CCSER1: variants seen among roughly 807,000 people sequenced by gnomAD.
The protein encoded by CCSER1 is serine-rich coiled-coil domain-containing protein 1.
CCSER1 carries 41 observed loss-of-function variants against 82.0 expected under a neutral mutation model. That is an observed-to-expected ratio of 0.50 (90% confidence interval 0.39 to 0.65). The LOEUF is 0.65. CCSER1 is among the 30% of genes least tolerant of loss of function. The pLI is 0.00. For missense variants in CCSER1, 1,119 were observed against 1,064.2 expected (o/e 1.05, Z -0.72); for synonymous variants, 414 against 383.9 (o/e 1.08, Z -0.92).
intron 1 of CCSER1, among the ~76,000 whole-genome samples, chr4:90,298,918 A>G (rs558701896): frequency 1.3e-5 from 2 of 152,188 alleles, no homozygotes; most frequent in Admixed American, 6.6e-5. Context: ...CCTGGGTCAT[A>G]TGCTTTTACA....
intron 9 of CCSER1, among the ~76,000 whole-genome samples, chr4:90,933,689 GT>G (rs33937740): frequency 0.12 from 18,647 of 149,756 alleles, 1,599 homozygotes; most frequent in African/African-American, 0.23. Flanking sequence ...ACTTTTGGAA[GT>G]TTTTTTTTTT....
At chr4:90,498,918 A>G (rs1769412332) in intron 5 of CCSER1, among the ~76,000 whole-genome samples, 1 of 152,144 alleles carries the variant, frequency 6.6e-6, no homozygotes, top group East Asian at 1.9e-4. Context: ...ATTAGGCATC[A>G]TTTTCTCATA....
chr4:90,619,967 C>T (rs1722013535), intron 5 of CCSER1, among the ~76,000 whole-genome samples: 1 of 152,064 alleles, frequency 6.6e-6, no homozygotes. Flanking sequence ...ACTGAACATA[C>T]ACAGTCACGT....
chr4:90,709,246 TTA>T (rs1244481634), intron 6 of CCSER1, among the ~76,000 whole-genome samples: 1 of 152,078 alleles, frequency 6.6e-6, no homozygotes, highest in Non-Finnish European at 1.5e-5. Flanking sequence ...GCATTAATGA[TTA>T]TATTATGTTT....
intron 9 of CCSER1, among the ~76,000 whole-genome samples, chr4:91,041,096 T>G (rs1741919473): frequency 6.6e-6 from 1 of 152,158 alleles, no homozygotes; most frequent in African/African-American, 2.4e-5. Context: ...ATTCTTAATT[T>G]TAAAAGACTA....
intron 6 of CCSER1, among the ~76,000 whole-genome samples, chr4:90,685,930 G>A (rs1401387900): frequency 1.3e-5 from 2 of 152,106 alleles, no homozygotes; most frequent in Non-Finnish European, 2.9e-5. Flanking sequence ...TCAGGGAATG[G>A]GGATGTGGAA....
intron 10 of CCSER1, among the ~76,000 whole-genome samples, chr4:91,173,424 C>G (rs1435984662): frequency 6.6e-6 from 1 of 152,018 alleles, no homozygotes; most frequent in East Asian, 1.9e-4. Context: ...GAAACCCCGT[C>G]TCTACTGAAA....
chr4:90,396,412 T>C (rs1751962918), intron 3 of CCSER1, among the ~76,000 whole-genome samples: 1 of 152,138 alleles, frequency 6.6e-6, no homozygotes, highest in Non-Finnish European at 1.5e-5. Context: ...GATCCTTGGC[T>C]ATACAGACAG....
intron 8 of CCSER1, among the ~76,000 whole-genome samples, chr4:90,860,635 T>C (rs1389577146): frequency 1.3e-5 from 2 of 151,856 alleles, no homozygotes; most frequent in East Asian, 3.9e-4. Flanking sequence ...CAAATGTTCA[T>C]CAATTGATTA....
At chr4:90,682,385 T>TA (rs1262095151) in intron 6 of CCSER1, among the ~76,000 whole-genome samples, 1 of 151,988 alleles carries the variant, frequency 6.6e-6, no homozygotes, top group African/African-American at 2.4e-5. Flanking sequence ...TTTTACCAGA[T>TA]ATAGTATATC....
At chr4:91,075,705 G>A (rs1721922546) in intron 9 of CCSER1, among the ~76,000 whole-genome samples, 1 of 152,080 alleles carries the variant, frequency 6.6e-6, no homozygotes, top group Non-Finnish European at 1.5e-5. Context: ...AAATGCAAAG[G>A]ATTTTTTTGT....
intron 10 of CCSER1, among the ~76,000 whole-genome samples, chr4:91,153,586 C>G (rs1730482434): frequency 6.6e-6 from 1 of 151,838 alleles, no homozygotes; most frequent in South Asian, 2.1e-4. Context: ...TGAAGGCACT[C>G]TGATTTTTAG....
intron 10 of CCSER1, among the ~76,000 whole-genome samples, chr4:91,514,729 G>A (rs1333048898): frequency 6.6e-6 from 1 of 152,130 alleles, no homozygotes; most frequent in East Asian, 1.9e-4. Context: ...AGCACCAATG[G>A]TTTAGTTCCA....
chr4:90,962,439 T>C lies in CCSER1; in HGVS notation c.2172+38992T>C, dbSNP rs115773112. On this transcript the variant is annotated intron_variant, in intron 9 of 10. Transcript: ENST00000509176. The stretch of plus-strand genomic sequence containing the variant: ...ATGAAAGAATATTATTTTGACTACA[T>C]TAGCTTAATTTTAAAAAAGGAATAT... Among the ~76,000 whole-genome samples, 218 of 152,238 alleles carry C rather than the reference T, an allele frequency of 1.4e-3. 1 individual carries two copies. The highest frequency in any genetic ancestry group is 5.0e-3 in the African/African-American group (209 of 41,548).
At chr4:90,950,042 G>C (rs1245224452) in intron 9 of CCSER1, among the ~76,000 whole-genome samples, 1 of 152,120 alleles carries the variant, frequency 6.6e-6, no homozygotes, top group Non-Finnish European at 1.5e-5. Flanking sequence ...GTGATTATCT[G>C]TATCTGAAAA....
intron 10 of CCSER1, among the ~76,000 whole-genome samples, chr4:91,199,310 G>T (rs1421817195): frequency 1.3e-5 from 2 of 151,926 alleles, no homozygotes; most frequent in African/African-American, 4.8e-5. Context: ...CAGTTAAAAA[G>T]AAATGTCCGT....
intron 7 of CCSER1, chr4:90,781,964 T>C (rs1320637613): frequency 2.2e-6 from 2 of 896,238 alleles, no homozygotes; most frequent in African/African-American, 3.6e-5. Context: ...AAATGCCCGA[T>C]ATAGGAACAA....
chr4:90,671,656 G>A (rs1732823215), intron 6 of CCSER1, among the ~76,000 whole-genome samples: 1 of 151,946 alleles, frequency 6.6e-6, no homozygotes, highest in Non-Finnish European at 1.5e-5. Context: ...TGTTAATGTT[G>A]ATATTTTGAC....
chr4:90,816,155 T>C (rs1281882346), intron 8 of CCSER1, among the ~76,000 whole-genome samples: 2 of 152,196 alleles, frequency 1.3e-5, no homozygotes, highest in Non-Finnish European at 2.9e-5. Context: ...TTTTGTAAAG[T>C]GCATGATTTA....
Sources: gnomAD v4.1 joint callset for allele counts (sites outside exome capture counted in the v4.1 genomes callset) on GRCh38, gnomAD v4.1.1 for gene constraint, MANE v1.5 for transcripts, NCBI Gene and HGNC (gene_info 2026-07-23, HGNC 2026-07-21) for gene names.